CLCNKB: variants seen among roughly 807,000 people sequenced by gnomAD.
CLCNKB encodes chloride channel protein ClC-Kb.
A neutral mutation model predicts 83.8 loss-of-function variants in CLCNKB; 74 were observed. The ratio of observed to expected loss-of-function variants is 0.88; its 90% CI spans 0.73 to 1.07. The LOEUF (loss-of-function observed/expected upper bound fraction) is 1.07, where lower values mean the gene tolerates loss of function less well. Among genes scored for constraint, CLCNKB ranks in the 50% least tolerant of loss-of-function variants. CLCNKB has a pLI of 0.00. For missense variants in CLCNKB, 798 were observed against 893.6 expected, an observed-to-expected ratio of 0.89 and a Z score of 1.36; for synonymous variants, 358 against 356.6, an observed-to-expected ratio of 1.00 and a Z score of -0.04.
intron 7 of CLCNKB, 40 bp downstream of exon 7, chr1:16,048,622 C>T: frequency 6.2e-7 from 1 of 1,611,116 alleles, no homozygotes. Context: ...GTCCCTCAAG[C>T]TCCTCCCCTC....
chr1:16,053,915 G>T (rs2023369570), intron 16 of CLCNKB, 143 bp downstream of exon 16: 12 of 1,151,094 alleles, frequency 1.0e-5, no homozygotes, highest in Middle Eastern at 2.8e-4. Context: ...CACATCACCT[G>T]AGCCTCAGTT....
intron 13 of CLCNKB, 54 bp downstream of exon 13, chr1:16,051,601 A>T (rs1570339610): frequency 6.2e-7 from 1 of 1,609,278 alleles, no homozygotes; most frequent in Non-Finnish European, 8.5e-7. Context: ...GGGCAGGACC[A>T]TGGCTCCTGG....
Position 16,050,564 on chromosome 1 carries a change from C to G in CLCNKB, c.1017C>G (p.Thr339=). The G allele has an allele frequency of 6.2e-7, 1 of 1,614,132 alleles. No homozygotes were observed. Among genetic ancestry groups the G allele is most frequent in the Non-Finnish European group, 8.5e-7 (1 of 1,180,020 alleles). ...CCACCTTGGTTCTCGCCTCCATCAC[C>G]TACCCACCCAGCGCCGGCCGCTTCC... ...ALATLVLASI[T]YPPSAGRFLA... Residue 339 remains threonine, a synonymous_variant, in exon 11 of 20, where the codon ACC becomes ACG. Coordinates refer to ENST00000375679, the MANE Select transcript of CLCNKB (RefSeq NM_000085.5).
rs199866167 is a variant in CLCNKB at position 16,048,578 on chromosome 1, C to A, written c.651C>A (p.Phe217Leu). The A allele has an allele frequency of 6.2e-7, 1 of 1,613,286 alleles. No individual in the cohort carries two copies. The highest frequency in any genetic ancestry group is 2.2e-5 in the East Asian group (1 of 44,826). ...TGGCCACAGTCTTTGCAGCTCCCTT[C>A]AGCGGTGAGACCCCTTCATGCCCCG... The part of the protein sequence containing the change: ...VGVATVFAAP[F>L]SGVLFSIEVM... The change falls in exon 7 of 20, where the codon TTC (phenylalanine) becomes TTA (leucine). Residue 217 changes from phenylalanine to leucine, a missense_variant. Phe to Leu is a conservative substitution (Grantham distance 22). Transcript: ENST00000375679.
chr1:16,056,004 A>T (rs2023425851), intron 18 of CLCNKB, among the ~76,000 whole-genome samples: 1 of 152,184 alleles, frequency 6.6e-6, no homozygotes. Flanking sequence ...GGCAAATGTA[A>T]ATCTCTGGGT....
chr1:16,048,795 A>G, intron 7 of CLCNKB: 1 of 1,449,996 alleles, frequency 6.9e-7, no homozygotes, highest in Non-Finnish European at 9.0e-7. Context: ...GTGTAACATT[A>G]TACAGACTTG....
Position 16,051,030 on chromosome 1 carries a change from C to T in CLCNKB, c.1209C>T (p.Ala403=). The change falls in exon 12 of 20, where the codon GCC becomes GCT. Residue 403 remains alanine (A), a synonymous_variant. Coordinates refer to ENST00000375679, the MANE Select transcript of CLCNKB (RefSeq NM_000085.5). The stretch of plus-strand genomic sequence containing the variant: ...GGTTCACCATCTTTGGGACCCTTGC[C>T]TTCTTCCTGGTTATGAAGGTGGGCC... ...HPRFTIFGTL[A]FFLVMKFWML... The T allele has an allele frequency of 1.9e-6, 3 of 1,614,108 alleles. No homozygotes were observed. The highest frequency in any genetic ancestry group is 2.5e-6 in the Non-Finnish European group (3 of 1,180,020).
In CLCNKB at chr1:16,044,568, C is replaced by A. The variant is rs1280512118; in HGVS notation, c.76C>A (p.Pro26Thr). 5.0e-6 allele frequency: 8 copies of A among 1,604,606 alleles called. No individual in the cohort carries two copies. The African/African-American group carries it at 8.0e-5, about 16-fold the overall frequency. The part of the protein sequence containing the change: ...VTLQELWGPC[P>T]RIRRGIRGGL... ...TCTGCAGGAGCTGTGGGGCCCCTGT[C>A]CCCGCATCCGCCGAGGCATCCGAGG... is the stretch of plus-strand genomic sequence containing the variant. The change falls in exon 2 of 20, where the codon CCC (proline) becomes ACC (threonine). Residue 26 changes from proline to threonine, a missense_variant. Physicochemically the swap from Pro to Thr is conservative, Grantham distance 38. Transcript: ENST00000375679.
At position 16,053,340 on chromosome 1, in the gene CLCNKB, T is replaced by C. The variant is rs549062880; in HGVS notation, c.1623-299T>C. The stretch of plus-strand genomic sequence containing the variant: ...ACCGTGCCCAGCCGCATATACTTTT[T>C]ACTCAAATTAAATCCTCCAGGGAAG... On this transcript the variant is annotated intron_variant, in intron 15 of 19. Transcript: ENST00000375679. 7.3e-4 allele frequency among the ~76,000 whole-genome samples: 111 copies of C among 152,206 alleles called. 3 individuals are homozygous for C. The South Asian group carries it at 0.022, about 30-fold the overall frequency.
At chr1:16,048,159 C>T in intron 5 of CLCNKB, 115 bp downstream of exon 5, 3 of 1,479,012 alleles carry the variant, frequency 2.0e-6, no homozygotes, top group Non-Finnish European at 2.8e-6. Context: ...TCCCTGCCTT[C>T]CAGGAACTCA....
chr1:16,044,356 T>TACAC (rs1553127093), intron 1 of CLCNKB, 130 bp from the exon 2 acceptor site: 64 of 375,382 alleles, frequency 1.7e-4, no homozygotes, highest in Middle Eastern at 8.0e-4. Flanking sequence ...TAACTTCACA[T>TACAC]ACACACACAC....
chr1:16,049,967 C>A (rs767468541), intron 10 of CLCNKB, 51 bp downstream of exon 10: 2 of 1,341,586 alleles, frequency 1.5e-6, no homozygotes, highest in African/African-American at 1.9e-5. Context: ...CCCCCCTCAC[C>A]GTACTCCCAA....
In CLCNKB at chr1:16,046,813, C is replaced by T; in HGVS notation, c.358+150C>T. On this transcript the variant is annotated intron_variant, in intron 4 of 19. Transcript: ENST00000375679. ...AAGGGACACAGCAAGAAGGCCAGAT[C>T]TTGACTTTTGGGTCACTGCTGGCCC... The T allele has an allele frequency of 2.8e-6, 3 of 1,058,088 alleles. No homozygotes were observed. The East Asian group carries it at 7.7e-5, about 27-fold the overall frequency. 65.5% of individuals were successfully genotyped at this position (1,058,088 alleles called of 1,614,324 possible). A position where few individuals can be genotyped will look rare whatever the true frequency, so the allele number is the denominator to read the frequency against.
Position 16,052,260 on chromosome 1 carries a change from G to T in CLCNKB, c.1471G>T (p.Val491Leu). 2 of 1,613,318 alleles carry T rather than the reference G, an allele frequency of 1.2e-6. No individual in the cohort carries two copies. Among genetic ancestry groups the T allele is most frequent in the Non-Finnish European group, 1.7e-6 (2 of 1,180,038 alleles). Residue 491 changes from valine (V) to leucine (L), a missense_variant, in exon 15 of 20, where the codon GTG becomes TTG. Transcript: ENST00000375679. The part of the protein sequence containing the change: ...TISTALLAFE[V>L]TGQIVHALPV... ...CTCCACGGCGCTGCTGGCCTTCGAGGTGACCGGCCAGATAGTGCATGCACT... is the reference window on the plus strand; with the variant it reads ...CTCCACGGCGCTGCTGGCCTTCGAGTTGACCGGCCAGATAGTGCATGCACT...
intron 16 of CLCNKB, among the ~76,000 whole-genome samples, chr1:16,054,522 T>C (rs1315510394): frequency 1.3e-5 from 2 of 152,160 alleles, no homozygotes; most frequent in Non-Finnish European, 2.9e-5. Context: ...CTCTATGTAC[T>C]GCATTTTCAT....
chr1:16,057,056 C>T lies in CLCNKB; in HGVS notation c.*140C>T. On this transcript the variant is annotated 3_prime_UTR_variant, in exon 20 of 20. Coordinates refer to ENST00000375679, the MANE Select transcript of CLCNKB (RefSeq NM_000085.5). ...TCTTTGGCATAACAGGCAACTTTAACCTAGCCCAGAAGAGGATGGCTCATC... is the reference window on the plus strand; with the variant it reads ...TCTTTGGCATAACAGGCAACTTTAATCTAGCCCAGAAGAGGATGGCTCATC... 1 of 846,426 alleles carries T rather than the reference C, an allele frequency of 1.2e-6. No homozygotes were observed. The highest frequency in any genetic ancestry group is 2.0e-6 in the Non-Finnish European group (1 of 503,516). 52.4% of individuals were successfully genotyped at this position (846,426 alleles called of 1,614,324 possible).
chr1:16,051,943 CT>C (rs1557471153), intron 14 of CLCNKB, 123 bp downstream of exon 14: 1 of 884,452 alleles, frequency 1.1e-6, no homozygotes, highest in Non-Finnish European at 1.8e-6. Flanking sequence ...CCCCCTACCC[CT>C]CATGGGGGTC....
chr1:16,046,591 T>C lies in CLCNKB; in HGVS notation c.286T>C (p.Trp96Arg). The change falls in exon 4 of 20, where the codon TGG becomes CGG. Residue 96 changes from tryptophan (W) to arginine (R), a missense_variant. Trp to Arg is a moderately radical substitution (Grantham distance 101). Coordinates refer to ENST00000375679, the MANE Select transcript of CLCNKB (RefSeq NM_000085.5). ...GDSHLLRYLS[W>R]TVYPVALVSF... ...CAGCCACCTGCTCCGGTATCTCTCC[T>C]GGACTGTGTACCCTGTGGCCCTCGT... The C allele has an allele frequency of 1.2e-6, 2 of 1,614,160 alleles. No individual in the cohort carries two copies. The highest frequency in any genetic ancestry group is 1.7e-6 in the Non-Finnish European group (2 of 1,180,026).
intron 11 of CLCNKB, 36 bp from the exon 12 acceptor site, chr1:16,050,839 G>T (rs1187481908): frequency 6.2e-7 from 1 of 1,610,336 alleles, no homozygotes; most frequent in African/African-American, 1.3e-5. Context: ...GCCGCTGGGG[G>T]CCCCTCATGT....
Sources: gnomAD v4.1 joint callset for allele counts (sites outside exome capture counted in the v4.1 genomes callset) on GRCh38, gnomAD v4.1.1 for gene constraint, MANE v1.5 for transcripts, NCBI Gene and HGNC (gene_info 2026-07-23, HGNC 2026-07-21) for gene names.